The following SLA variants were observed in gnomAD, a reference collection of about 807,000 sequenced individuals.
The protein encoded by SLA is src-like-adapter.
In SLA, 16 loss-of-function variants were observed where a neutral mutation model predicts 30.3. The ratio of observed to expected loss-of-function variants is 0.53; its 90% CI spans 0.36 to 0.80. The LOEUF (loss-of-function observed/expected upper bound fraction) is 0.80, where lower values mean the gene tolerates loss of function less well. Among genes scored for constraint, SLA ranks in the 30% least tolerant of loss-of-function variants. SLA has a pLI of 0.01. For missense variants in SLA, 310 were observed against 345.2 expected (o/e 0.90, Z 0.81); for synonymous variants, 143 against 137.8 (o/e 1.04, Z -0.26).
At chr8:133,077,468 G>A (rs1054131891) in intron 1 of SLA, among the ~76,000 whole-genome samples, 24 of 152,190 alleles carry the variant, frequency 1.6e-4, no homozygotes, top group East Asian at 3.9e-4. Context: ...CCTCCCTTTC[G>A]CCTCCTGGAG....
intron 1 of SLA, among the ~76,000 whole-genome samples, chr8:133,101,063 C>G (rs1849177379): frequency 6.6e-6 from 1 of 152,068 alleles, no homozygotes; most frequent in South Asian, 2.1e-4. Context: ...GGTCTCTGAC[C>G]CCAATTGCAG....
In SLA at chr8:133,094,248, T is replaced by C. The variant is rs182505547; in HGVS notation, c.-319+8305A>G. Among the ~76,000 whole-genome samples, 11 of 150,354 alleles carry C rather than the reference T, an allele frequency of 7.3e-5. No individual in the cohort carries two copies. In the East Asian group the frequency reaches 1.4e-3, roughly 19 times the overall value. On this transcript the variant is annotated intron_variant, in intron 1 of 8. Transcript: ENST00000338087. Reference sequence around the variant, plus strand: ...AGAAGAAACCTGTCGTTTTCTTTTTTTTTTTTTTTTTTGATGGAGTCTTGC... The same window carrying C: ...AGAAGAAACCTGTCGTTTTCTTTTTCTTTTTTTTTTTTGATGGAGTCTTGC...
intron 1 of SLA, among the ~76,000 whole-genome samples, chr8:133,091,556 G>A (rs1397259270): frequency 6.6e-6 from 1 of 152,116 alleles, no homozygotes; most frequent in East Asian, 1.9e-4. Context: ...ATTTCAACAA[G>A]GGCAGCTTTG....
intron 1 of SLA, among the ~76,000 whole-genome samples, chr8:133,081,801 C>G (rs1286461163): frequency 6.6e-6 from 1 of 152,104 alleles, no homozygotes; most frequent in African/African-American, 2.4e-5. Flanking sequence ...TGAGCAGGAC[C>G]CAATTTCAGT....
At chr8:133,044,893 A>C (rs1839013068) in intron 7 of SLA, 91 bp downstream of exon 7, 12 of 1,299,626 alleles carry the variant, frequency 9.2e-6, no homozygotes, top group Non-Finnish European at 1.3e-5. Context: ...AGTAAGCAAG[A>C]CCCCTCTGCA....
intron 1 of SLA, among the ~76,000 whole-genome samples, chr8:133,077,532 G>A (rs906384761): frequency 1.3e-5 from 2 of 152,190 alleles, no homozygotes; most frequent in African/African-American, 4.8e-5. Context: ...TGGGCACTGT[G>A]CTATCCCAAA....
intron 1 of SLA, among the ~76,000 whole-genome samples, chr8:133,088,532 A>G (rs1846979424): frequency 6.6e-6 from 1 of 152,172 alleles, no homozygotes; most frequent in African/African-American, 2.4e-5. Flanking sequence ...CTAATATTAC[A>G]CTTAGAGGGT....
chr8:133,075,450 A>C (rs972044155), intron 1 of SLA, among the ~76,000 whole-genome samples: 3 of 152,244 alleles, frequency 2.0e-5, no homozygotes, highest in African/African-American at 7.2e-5. Flanking sequence ...TGTGTGCGTC[A>C]AGGGAAAAAA....
chr8:133,081,231 C>T (rs1263048194), intron 1 of SLA, among the ~76,000 whole-genome samples: 1 of 152,248 alleles, frequency 6.6e-6, no homozygotes, highest in African/African-American at 2.4e-5. Context: ...AGGAGTATGT[C>T]TAACCATGAC....
Position 133,074,926 on chromosome 8 carries a change from C to T in SLA, c.-114G>A, listed in dbSNP as rs139888054. 356 of 985,536 alleles carry T rather than the reference C, an allele frequency of 3.6e-4. 2 individuals carry two copies. The African/African-American group carries it at 5.4e-3, about 15-fold the overall frequency. The allele number at this position is 985,536 out of a possible 1,614,324, so 61.0% of individuals were successfully genotyped here. ...GCTGGGTGCAGAGTCACTGCCTCTCCGTCTGTCAACTGCTGCTGCTCCAGA... is the reference window on the plus strand; with the variant it reads ...GCTGGGTGCAGAGTCACTGCCTCTCTGTCTGTCAACTGCTGCTGCTCCAGA... On this transcript the variant is annotated 5_prime_UTR_variant, in exon 2 of 9. Coordinates refer to ENST00000338087, the MANE Select transcript of SLA (RefSeq NM_001045556.3).
chr8:133,079,996 C>T (rs1845499488), intron 1 of SLA, among the ~76,000 whole-genome samples: 1 of 151,734 alleles, frequency 6.6e-6, no homozygotes, highest in Non-Finnish European at 1.5e-5. Context: ...GTTTTTTGAA[C>T]CCCTTCAATG....
At chr8:133,085,734 A>T (rs1305334840) in intron 1 of SLA, among the ~76,000 whole-genome samples, 2 of 152,262 alleles carry the variant, frequency 1.3e-5, no homozygotes, top group East Asian at 1.9e-4. Context: ...ATTACTGAAG[A>T]TATGAAGAAG....
chr8:133,075,596 A>T (rs1453622027), intron 1 of SLA, among the ~76,000 whole-genome samples: 1 of 152,246 alleles, frequency 6.6e-6, no homozygotes, highest in Non-Finnish European at 1.5e-5. Context: ...CTTAGGGGAC[A>T]TGCGGTGACC....
chr8:133,098,176 C>T (rs185568714), intron 1 of SLA, among the ~76,000 whole-genome samples: 3 of 152,312 alleles, frequency 2.0e-5, no homozygotes, highest in African/African-American at 7.2e-5. Flanking sequence ...CCACTCTCCT[C>T]CACTGCCTCA....
intron 1 of SLA, among the ~76,000 whole-genome samples, chr8:133,078,983 T>C (rs1376499789): frequency 6.6e-6 from 1 of 152,150 alleles, no homozygotes; most frequent in Non-Finnish European, 1.5e-5. Flanking sequence ...AAGAAACCTC[T>C]AGGGCTCCTG....
intron 1 of SLA, among the ~76,000 whole-genome samples, chr8:133,095,411 G>A (rs1159074548): frequency 6.6e-6 from 1 of 152,208 alleles, no homozygotes; most frequent in Non-Finnish European, 1.5e-5. Flanking sequence ...GGCACTGAGG[G>A]TAGACAGATG....
Position 133,052,322 on chromosome 8 carries a change from G to A in SLA, c.62-1407C>T, listed in dbSNP as rs71526272. On this transcript the variant is annotated intron_variant, in intron 3 of 8. Transcript: ENST00000338087. Reference sequence around the variant, plus strand: ...GTGGAACAGTGCAGTCAAATGTATTGTTCATTTGGGGAAGCTGAGTCCCTG... The same window carrying A: ...GTGGAACAGTGCAGTCAAATGTATTATTCATTTGGGGAAGCTGAGTCCCTG... Among the ~76,000 whole-genome samples the A allele has an allele frequency of 2.2e-3, 336 of 152,342 alleles. 1 individual carries two copies. The highest frequency in any genetic ancestry group is 3.7e-3 in the Non-Finnish European group (255 of 68,026).
chr8:133,038,730 C>A lies in SLA; in HGVS notation c.625G>T (p.Glu209Ter). 1 of 1,613,022 alleles carries A rather than the reference C, an allele frequency of 6.2e-7. No homozygotes were observed. Among genetic ancestry groups the A allele is most frequent in the Non-Finnish European group, 8.5e-7 (1 of 1,179,320 alleles). The stretch of plus-strand genomic sequence containing the variant: ...GGGTTCTCTGTTCCCTCGGGGTCCT[C>A]CTGCAGTCTGTGGGCCAGAAGAAAA... ...VDWRRVSRLQ[E>*]DPEGTENPLG... Residue 209 changes from glutamate (E) to a stop codon, truncating the protein, a stop_gained, in exon 9 of 9, where the codon GAG (glutamate) becomes TAG (stop). Coordinates refer to ENST00000338087, the MANE Select transcript of SLA (RefSeq NM_001045556.3). LOFTEE classifies it high-confidence loss of function.
chr8:133,102,464 G>A (rs1265506447), intron 1 of SLA, 89 bp downstream of exon 1: 2 of 1,169,440 alleles, frequency 1.7e-6, no homozygotes, highest in African/African-American at 3.1e-5. Context: ...GATCCATCAA[G>A]TCCCTCTGAA....
Sources: allele counts gnomAD v4.1 joint callset (sites outside exome capture counted in the v4.1 genomes callset), GRCh38; gene constraint gnomAD v4.1.1; transcripts MANE v1.5; gene names NCBI Gene and HGNC (gene_info 2026-07-23, HGNC 2026-07-21).